SCN3A: variants seen among roughly 807,000 people sequenced by gnomAD.
SCN3A encodes the protein sodium voltage-gated channel alpha subunit 3.
In SCN3A, 60 loss-of-function variants were observed where a neutral mutation model predicts 187.6. The observed-to-expected ratio is 0.32, with a 90% CI of 0.26 to 0.40. The LOEUF is 0.40. Ranked by LOEUF, SCN3A falls within the 10% of genes least tolerant of loss-of-function variation. SCN3A has a pLI of 1.00. For missense variants in SCN3A, 1,601 were observed against 2,428.2 expected, an observed-to-expected ratio of 0.66 and a Z score of 7.16; for synonymous variants, 788 against 829.2, an observed-to-expected ratio of 0.95 and a Z score of 0.85.
intron 1 of SCN3A, among the ~76,000 whole-genome samples, chr2:165,193,373 G>A (rs994865440): frequency 1.3e-5 from 2 of 152,106 alleles, no homozygotes; most frequent in African/African-American, 2.4e-5. Flanking sequence ...CTCTGTGTGC[G>A]CAGTGGAGCA....
rs3754962 is a variant in SCN3A at position 165,170,349 on chromosome 2, G to A, written c.383+81C>T. 153,795 of 854,228 alleles carry A rather than the reference G, an allele frequency of 0.18. 19,167 individuals are homozygous for A. Among genetic ancestry groups the A allele is most frequent in the East Asian group, 0.48 (19,467 of 40,374 alleles). The allele number at this position is 854,228 out of a possible 1,614,324, so 52.9% of individuals were successfully genotyped here. ...CCATTAATCTCAAAGAAATTTTACA[G>A]ATACTTGAAAATATAACTGACATTT... On this transcript the variant is annotated intron_variant, in intron 4 of 27. Coordinates refer to ENST00000283254, the MANE Select transcript of SCN3A (RefSeq NM_006922.4).
At position 165,138,013 on chromosome 2, in the gene SCN3A, C is replaced by G; in HGVS notation, c.2257G>C (p.Val753Leu). ...AATGGATCCATAACAATTAAATTCA[C>G]AAGATGTTTTACTTTTAACCATGCA... ...CDAWLKVKHL[V>L]NLIVMDPFVD... The change falls in exon 15 of 28, where the codon GTG becomes CTG. Residue 753 changes from valine (V) to leucine (L), a missense_variant. By Grantham distance (32) the Val-to-Leu change is conservative. Transcript: ENST00000283254. The G allele has an allele frequency of 1.2e-6, 2 of 1,613,540 alleles. No homozygotes were observed. Among genetic ancestry groups the G allele is most frequent in the Non-Finnish European group, 1.7e-6 (2 of 1,179,620 alleles).
chr2:165,171,584 G>A (rs189966081), intron 3 of SCN3A, among the ~76,000 whole-genome samples: 2 of 152,150 alleles, frequency 1.3e-5, no homozygotes, highest in African/African-American at 4.8e-5. Context: ...ATTCCAATAT[G>A]CAATCAAGGT....
chr2:165,202,894 A>C (rs1449991356), intron 1 of SCN3A, among the ~76,000 whole-genome samples: 3 of 151,992 alleles, frequency 2.0e-5, no homozygotes, highest in Non-Finnish European at 4.4e-5. Context: ...CTTATCTTTC[A>C]ATTAATATGT....
chr2:165,109,918 C>T (rs1423037996), intron 21 of SCN3A, among the ~76,000 whole-genome samples: 1 of 152,100 alleles, frequency 6.6e-6, no homozygotes, highest in Non-Finnish European at 1.5e-5. Context: ...CATACAAGTA[C>T]GCCAGTTTCT....
intron 1 of SCN3A, among the ~76,000 whole-genome samples, chr2:165,191,644 C>A (rs749699652): frequency 6.6e-6 from 1 of 152,156 alleles, no homozygotes; most frequent in Non-Finnish European, 1.5e-5. Flanking sequence ...CTTAAAGAGA[C>A]CTGCTCACAC....
At chr2:165,139,709 G>T in intron 13 of SCN3A, 101 bp from the exon 14 acceptor site, 1 of 1,445,728 alleles carries the variant, frequency 6.9e-7, no homozygotes, top group Non-Finnish European at 9.7e-7. Context: ...AATTTTTCCA[G>T]GTAAGAATTT....
At chr2:165,164,023 T>A in intron 6 of SCN3A, 1 of 849,002 alleles carries the variant, frequency 1.2e-6, no homozygotes, top group Non-Finnish European at 1.9e-6. Flanking sequence ...CAGGCTGCCA[T>A]ATGCTAAAGG....
chr2:165,143,277 A>T (rs1688121771), intron 12 of SCN3A, among the ~76,000 whole-genome samples: 1 of 152,150 alleles, frequency 6.6e-6, no homozygotes, highest in Non-Finnish European at 1.5e-5. Flanking sequence ...AGGATGGCTG[A>T]GTATAATCAC....
At chr2:165,137,045 C>A (rs1014930891) in intron 15 of SCN3A, among the ~76,000 whole-genome samples, 11 of 152,090 alleles carry the variant, frequency 7.2e-5, no homozygotes, top group Admixed American at 3.3e-4. Flanking sequence ...GAGATTCATG[C>A]TTTTCAGTGT....
chr2:165,177,978 C>G (rs554982873), intron 2 of SCN3A, among the ~76,000 whole-genome samples: 11 of 152,170 alleles, frequency 7.2e-5, no homozygotes, highest in African/African-American at 2.2e-4. Flanking sequence ...CCCATTCCTA[C>G]CATTCCCCTT....
chr2:165,169,267 A>T (rs755407669), intron 4 of SCN3A, among the ~76,000 whole-genome samples: 5 of 152,000 alleles, frequency 3.3e-5, no homozygotes, highest in African/African-American at 1.2e-4. Flanking sequence ...CAAAGATTAC[A>T]TTGATTGAGA....
At chr2:165,113,140 G>C (rs1686202082) in intron 20 of SCN3A, 82 bp from the exon 21 acceptor site, 1 of 968,800 alleles carries the variant, frequency 1.0e-6, no homozygotes, top group East Asian at 2.4e-5. Flanking sequence ...ATAATAGTGA[G>C]TACAAAACAA....
chr2:165,163,031 A>G (rs1023288444), intron 7 of SCN3A, among the ~76,000 whole-genome samples: 2 of 152,156 alleles, frequency 1.3e-5, no homozygotes, highest in African/African-American at 4.8e-5. Flanking sequence ...TTCAATATGA[A>G]GGTTTAAATA....
At chr2:165,095,306 G>A (rs1461443012) in intron 25 of SCN3A, among the ~76,000 whole-genome samples, 1 of 152,118 alleles carries the variant, frequency 6.6e-6, no homozygotes, top group Non-Finnish European at 1.5e-5. Context: ...CACATTTTTG[G>A]GTCAGAAAGC....
chr2:165,167,916 C>T (rs1341566702), intron 5 of SCN3A, among the ~76,000 whole-genome samples: 1 of 152,090 alleles, frequency 6.6e-6, no homozygotes, highest in East Asian at 1.9e-4. Flanking sequence ...GACCTTTCTC[C>T]ATGTATTAAA....
chr2:165,190,252 G>T (rs1049052004), intron 1 of SCN3A, among the ~76,000 whole-genome samples: 2 of 152,194 alleles, frequency 1.3e-5, no homozygotes, highest in Admixed American at 1.3e-4. Context: ...GGGAGCTCCA[G>T]AGATTCTCCT....
At chr2:165,145,938 G>A (rs1688291797) in intron 12 of SCN3A, among the ~76,000 whole-genome samples, 1 of 152,044 alleles carries the variant, frequency 6.6e-6, no homozygotes. Flanking sequence ...TCAGACATAT[G>A]TAAACAATAC....
chr2:165,122,230 C>CTTTTTTTTTTTTTTT (rs776949572), intron 18 of SCN3A, among the ~76,000 whole-genome samples: 2 of 113,918 alleles, frequency 1.8e-5, no homozygotes, highest in Non-Finnish European at 3.5e-5. Flanking sequence ...TTCTTTCTTT[C>CTTTTTTTTTTTTTTT]TTTTTTTTCT....
Sources: allele counts gnomAD v4.1 joint callset (sites outside exome capture counted in the v4.1 genomes callset), GRCh38; gene constraint gnomAD v4.1.1; transcripts MANE v1.5; gene names NCBI Gene and HGNC (gene_info 2026-07-23, HGNC 2026-07-21).